C7orf78: variants seen among roughly 807,000 people sequenced by gnomAD.
C7orf78 encodes the protein putative uncharacterized protein C7orf78.
the C7orf78 span, among the ~76,000 whole-genome samples, chr7:12,530,020 G>C: frequency 2.1e-5 from 1 of 48,366 alleles, no homozygotes; most frequent in Admixed American, 2.2e-4. Flanking sequence ...CAATGGTGGG[G>C]CTGTCTCGTG....
At chr7:12,523,503 A>T in the C7orf78 span, 1 of 396,624 alleles carries the variant, frequency 2.5e-6, no homozygotes, top group Non-Finnish European at 4.4e-6. Flanking sequence ...TCATTTCTTA[A>T]TGAGAAAAAC....
chr7:12,509,817 G>A, the C7orf78 span, among the ~76,000 whole-genome samples: 1 of 152,154 alleles, frequency 6.6e-6, no homozygotes, highest in African/African-American at 2.4e-5. Context: ...AGGTGCAGTG[G>A]CTCATGCCTG....
At chr7:12,499,414 G>A in the C7orf78 span, among the ~76,000 whole-genome samples, 1 of 149,068 alleles carries the variant, frequency 6.7e-6, no homozygotes, top group Admixed American at 6.7e-5. Flanking sequence ...AACAAAAAAA[G>A]GCAGGGGTTG....
the C7orf78 span, among the ~76,000 whole-genome samples, chr7:12,492,522 C>T: frequency 1.5e-4 from 23 of 152,282 alleles, no homozygotes; most frequent in African/African-American, 4.1e-4. Flanking sequence ...ATTGGTAGAT[C>T]ATAAGATGCA....
chr7:12,521,958 A>G, the C7orf78 span, among the ~76,000 whole-genome samples: 1 of 152,042 alleles, frequency 6.6e-6, no homozygotes, highest in East Asian at 1.9e-4. Flanking sequence ...TTTATAAAAT[A>G]AAAATATTTA....
chr7:12,508,481 A>T, the C7orf78 span, among the ~76,000 whole-genome samples: 1 of 152,232 alleles, frequency 6.6e-6, no homozygotes, highest in Non-Finnish European at 1.5e-5. Context: ...AAACATGGTT[A>T]TATTAGAAGA....
the C7orf78 span, among the ~76,000 whole-genome samples, chr7:12,489,819 T>A: frequency 1.3e-5 from 2 of 152,116 alleles, no homozygotes; most frequent in African/African-American, 4.8e-5. Flanking sequence ...AGCAGTGATG[T>A]GTAGAAGATG....
chr7:12,542,119 A>C, the C7orf78 span: 2 of 152,206 alleles, frequency 1.3e-5, no homozygotes, highest in Non-Finnish European at 2.9e-5. Context: ...AGTTTTATCA[A>C]ATGGATTATC....
At chr7:12,523,389 G>A in the C7orf78 span, 2 of 398,110 alleles carry the variant, frequency 5.0e-6, no homozygotes, top group Non-Finnish European at 8.9e-6. Context: ...TATCCAAGGG[G>A]TGTATATGTC....
chr7:12,501,118 A>T, the C7orf78 span, among the ~76,000 whole-genome samples: 14 of 142,432 alleles, frequency 9.8e-5, no homozygotes, highest in African/African-American at 3.2e-4. Context: ...ACCCACAGCC[A>T]ATATCATACT....
At chr7:12,519,303 C>A in the C7orf78 span, among the ~76,000 whole-genome samples, 3 of 152,180 alleles carry the variant, frequency 2.0e-5, no homozygotes, top group African/African-American at 7.2e-5. Context: ...GGTTGCAACT[C>A]ACAGCCCCAG....
the C7orf78 span, among the ~76,000 whole-genome samples, chr7:12,526,417 A>C: frequency 6.6e-6 from 1 of 152,118 alleles, no homozygotes; most frequent in Non-Finnish European, 1.5e-5. Context: ...ATTCAGAGTT[A>C]ATTTGTATTA....
At chr7:12,501,750 C>T in the C7orf78 span, among the ~76,000 whole-genome samples, 35 of 148,182 alleles carry the variant, frequency 2.4e-4, no homozygotes, top group Non-Finnish European at 5.1e-4. Flanking sequence ...TCATATGGAA[C>T]CAAAAAAGAG....
chr7:12,494,561 T>C, the C7orf78 span, among the ~76,000 whole-genome samples: 6 of 152,326 alleles, frequency 3.9e-5, no homozygotes, highest in East Asian at 1.2e-3. Context: ...AAATTTATTA[T>C]AGGCACAATA....
At chr7:12,523,781 T>A in the C7orf78 span, among the ~76,000 whole-genome samples, 1 of 151,514 alleles carries the variant, frequency 6.6e-6, no homozygotes, top group Admixed American at 6.6e-5. Context: ...ATAAAATAAA[T>A]TTGTGGAATA....
chr7:12,539,210 A>G, the C7orf78 span, among the ~76,000 whole-genome samples: 1 of 152,144 alleles, frequency 6.6e-6, no homozygotes, highest in South Asian at 2.1e-4. Context: ...CACACCTGTA[A>G]TCCAATCACT....
chr7:12,523,155 C>A, the C7orf78 span: 1 of 398,378 alleles, frequency 2.5e-6, no homozygotes, highest in Non-Finnish European at 4.4e-6. Context: ...ATAAAGCCTC[C>A]TGATTTTAGC....
the C7orf78 span, among the ~76,000 whole-genome samples, chr7:12,503,088 T>A: frequency 1.1e-5 from 1 of 91,620 alleles, no homozygotes; most frequent in Non-Finnish European, 2.2e-5. Flanking sequence ...TGTTGTGGGG[T>A]GGGGGTAGGG....
the C7orf78 span, among the ~76,000 whole-genome samples, chr7:12,523,672 AC>A: frequency 6.6e-6 from 1 of 152,122 alleles, no homozygotes; most frequent in Non-Finnish European, 1.5e-5. Flanking sequence ...CAAGTGGCCA[AC>A]TCTGAGATAG....
Sources: allele counts gnomAD v4.1 joint callset (sites outside exome capture counted in the v4.1 genomes callset), GRCh38; gene constraint gnomAD v4.1.1; transcripts MANE v1.5; gene names NCBI Gene and HGNC (gene_info 2026-07-23, HGNC 2026-07-21).